The following TLL2 variants were observed in gnomAD, a reference collection of about 807,000 sequenced individuals.
TLL2 encodes the protein tolloid like 2, also known as tolloid-like protein 2.
TLL2 carries 106 observed loss-of-function variants against 123.0 expected under a neutral mutation model. The observed-to-expected ratio is 0.86, with a 90% CI of 0.74 to 1.01. The LOEUF (loss-of-function observed/expected upper bound fraction) is 1.01. TLL2 is among the 50% of genes least tolerant of loss of function. The pLI, the probability that TLL2 is intolerant of heterozygous loss-of-function variation, is 0.00. For missense variants in TLL2, 1,332 were observed against 1,336.7 expected (o/e 1.00, Z 0.06); for synonymous variants, 494 against 516.8 (o/e 0.96, Z 0.60).
Position 96,365,199 on chromosome 10 carries a change from G to A in TLL2, c.*2889C>T, listed in dbSNP as rs904892677. 6.6e-6 allele frequency: 1 copy of A among 152,206 alleles called. No homozygotes were observed. Among genetic ancestry groups the A allele is most frequent in the Non-Finnish European group, 1.5e-5 (1 of 68,030 alleles). The allele number at this position is 152,206 out of a possible 1,614,324, so 9.4% of individuals were successfully genotyped here. A position where few individuals can be genotyped will look rare whatever the true frequency, so the allele number is the denominator to read the frequency against. Reference sequence around the variant, plus strand: ...TATTCAAAGCCGTCCTGGGCCAAGGGTTGGACAAGCTTGCTTTAGAGAGAA... The same window carrying A: ...TATTCAAAGCCGTCCTGGGCCAAGGATTGGACAAGCTTGCTTTAGAGAGAA... On this transcript the variant is annotated 3_prime_UTR_variant, in exon 21 of 21. Transcript: ENST00000357947.
chr10:96,386,634 A>G (rs371184978), intron 14 of TLL2, among the ~76,000 whole-genome samples: 5 of 152,226 alleles, frequency 3.3e-5, no homozygotes, highest in African/African-American at 1.2e-4. Context: ...CTATCGGTTG[A>G]GTCACTGGAG....
At chr10:96,436,142 A>G (rs546167722) in intron 3 of TLL2, among the ~76,000 whole-genome samples, 1 of 152,336 alleles carries the variant, frequency 6.6e-6, no homozygotes, top group South Asian at 2.1e-4. Flanking sequence ...CTTTGTTACA[A>G]CTACTCAACT....
At chr10:96,464,035 C>G (rs1042665865) in intron 2 of TLL2, among the ~76,000 whole-genome samples, 1 of 152,110 alleles carries the variant, frequency 6.6e-6, no homozygotes, top group Non-Finnish European at 1.5e-5. Flanking sequence ...AGGCAGGAGC[C>G]GAGAGCCTGC....
intron 1 of TLL2, among the ~76,000 whole-genome samples, chr10:96,509,984 A>C (rs1213438965): frequency 2.0e-5 from 3 of 152,126 alleles, no homozygotes; most frequent in Non-Finnish European, 2.9e-5. Context: ...TAAGTAAATA[A>C]AACTGGCCTT....
rs1847321789 is a variant in TLL2, at chr10:96,482,544, AC to A, written c.176-2086del. ...GCTCCAACGTGTATGAATCTCAAAAACATCATACGAAATGAAATAACTGTTG... is the reference window on the plus strand; with the variant it reads ...GCTCCAACGTGTATGAATCTCAAAAAATCATACGAAATGAAATAACTGTTG... On this transcript the variant is annotated intron_variant, in intron 1 of 20. Transcript: ENST00000357947. Among the ~76,000 whole-genome samples, 4 of 152,334 alleles carry A rather than the reference AC, an allele frequency of 2.6e-5. No individual in the cohort carries two copies. In the East Asian group the frequency reaches 7.7e-4, roughly 29 times the overall value.
intron 7 of TLL2, among the ~76,000 whole-genome samples, chr10:96,414,139 C>T (rs752366014): frequency 2.6e-5 from 4 of 152,144 alleles, no homozygotes; most frequent in African/African-American, 9.7e-5. Flanking sequence ...GTTTACATCC[C>T]GCCTGCTGCC....
At chr10:96,385,465 G>T (rs572252317) in intron 15 of TLL2, among the ~76,000 whole-genome samples, 9 of 152,198 alleles carry the variant, frequency 5.9e-5, no homozygotes, top group African/African-American at 1.9e-4. Context: ...TACCCCAAAG[G>T]CCTGATCAGG....
intron 3 of TLL2, among the ~76,000 whole-genome samples, chr10:96,445,140 G>T (rs545318704): frequency 6.6e-6 from 1 of 152,322 alleles, no homozygotes; most frequent in South Asian, 2.1e-4. Context: ...AGTGAGCTGA[G>T]ATCGCACCAC....
intron 2 of TLL2, among the ~76,000 whole-genome samples, chr10:96,462,768 C>A (rs994630311): frequency 2.0e-5 from 3 of 152,230 alleles, no homozygotes; most frequent in Non-Finnish European, 4.4e-5. Context: ...AACAGAGGGA[C>A]TTTCTCCATA....
chr10:96,384,662 T>C lies in TLL2; in HGVS notation c.2119A>G (p.Ser707Gly), dbSNP rs1846214929. 5 of 1,613,056 alleles carry C rather than the reference T, an allele frequency of 3.1e-6. No individual in the cohort carries two copies. ...TTGAACTCCACGCGCATGTTGTTGCTCTGCGAGGTGATGACCTCCGGCGTC... is the reference window on the plus strand; with the variant it reads ...TTGAACTCCACGCGCATGTTGTTGCCCTGCGAGGTGATGACCTCCGGCGTC... ...SETPEVITSQ[S>G]NNMRVEFKSD... Residue 707 changes from serine (S) to glycine (G), a missense_variant, in exon 16 of 21, where the codon AGC (serine) becomes GGC (glycine). Transcript: ENST00000357947.
intron 2 of TLL2, among the ~76,000 whole-genome samples, chr10:96,456,886 G>A (rs1027585348): frequency 3.3e-5 from 5 of 152,226 alleles, no homozygotes; most frequent in East Asian, 1.9e-4. Flanking sequence ...CCCCAGGGGA[G>A]CTTGCTGGAG....
At chr10:96,493,597 CA>C (rs1347092323) in intron 1 of TLL2, among the ~76,000 whole-genome samples, 2 of 151,900 alleles carry the variant, frequency 1.3e-5, no homozygotes, top group African/African-American at 4.8e-5. Flanking sequence ...TCAGCATGGG[CA>C]AAAAGGGAGG....
chr10:96,488,918 G>A (rs1227664113), intron 1 of TLL2, among the ~76,000 whole-genome samples: 1 of 152,192 alleles, frequency 6.6e-6, no homozygotes, highest in Non-Finnish European at 1.5e-5. Flanking sequence ...AGGCTGCTGT[G>A]GGAACCTAGA....
intron 10 of TLL2, among the ~76,000 whole-genome samples, chr10:96,398,464 T>C (rs1306900361): frequency 6.6e-6 from 1 of 152,058 alleles, no homozygotes; most frequent in Non-Finnish European, 1.5e-5. Context: ...TTGACCAAAA[T>C]CAAGTCCCTA....
At chr10:96,422,789 T>G (rs1048467429) in intron 5 of TLL2, 62 bp from the exon 6 acceptor site, 10 of 1,582,776 alleles carry the variant, frequency 6.3e-6, no homozygotes, top group African/African-American at 1.3e-5. Context: ...AAGAGGCAAG[T>G]CCCCCCTCCC....
intron 6 of TLL2, among the ~76,000 whole-genome samples, chr10:96,422,082 TG>T (rs982246158): frequency 6.6e-6 from 1 of 152,226 alleles, no homozygotes; most frequent in Non-Finnish European, 1.5e-5. Flanking sequence ...TTATCTGCCT[TG>T]GGGCAGAATG....
chr10:96,373,713 G>T lies in TLL2; in HGVS notation c.2545C>A (p.Arg849Ser). ...TCTGGTTTCTTGCTGCCGCAGAAACGGCCCAGAATGGGGGCCAGGCTGTCC... is the reference window on the plus strand; with the variant it reads ...TCTGGTTTCTTGCTGCCGCAGAAACTGCCCAGAATGGGGGCCAGGCTGTCC... Reference protein sequence around the residue: ...GPDSLAPILGRFCGSKKPDPT... With the variant: ...GPDSLAPILGSFCGSKKPDPT... Residue 849 changes from arginine to serine, a missense_variant, in exon 19 of 21, where the codon CGT becomes AGT. Coordinates refer to ENST00000357947, the MANE Select transcript of TLL2 (RefSeq NM_012465.4). 1.2e-6 allele frequency: 2 copies of T among 1,614,250 alleles called. No individual in the cohort carries two copies. The highest frequency in any genetic ancestry group is 1.7e-6 in the Non-Finnish European group (2 of 1,180,046).
chr10:96,403,406 A>C (rs541597070), intron 10 of TLL2, among the ~76,000 whole-genome samples: 29 of 152,360 alleles, frequency 1.9e-4, no homozygotes, highest in South Asian at 8.3e-4. Context: ...TTTGCCCCAG[A>C]CACTTTGCCC....
chr10:96,434,581 T>C (rs1846775100), intron 3 of TLL2, among the ~76,000 whole-genome samples: 1 of 152,252 alleles, frequency 6.6e-6, no homozygotes, highest in Non-Finnish European at 1.5e-5. Flanking sequence ...TGTTTATCTG[T>C]TCTTCAGTGG....
Sources: gnomAD v4.1 joint callset for allele counts (sites outside exome capture counted in the v4.1 genomes callset) on GRCh38, gnomAD v4.1.1 for gene constraint, MANE v1.5 for transcripts, NCBI Gene and HGNC (gene_info 2026-07-23, HGNC 2026-07-21) for gene names.